Variants in SPG7 observed in about 807,000 individuals in gnomAD.
The protein encoded by SPG7 is SPG7 matrix AAA peptidase subunit, paraplegin, also known as mitochondrial inner membrane m-AAA protease component paraplegin.
In SPG7, 103 loss-of-function variants were observed where a neutral mutation model predicts 81.9. That is an observed-to-expected ratio of 1.26 (90% CI 1.07 to 1.48). The LOEUF (loss-of-function observed/expected upper bound fraction) is 1.48, where lower values mean the gene tolerates loss of function less well. Ranked by LOEUF, SPG7 falls within the 40% of genes most tolerant of loss-of-function variation. The probability of loss-of-function intolerance (pLI) is 0.00; values close to 1 mark genes in which losing one functional copy is unlikely to be tolerated. For missense variants in SPG7, 1,241 were observed against 1,087.3 expected (o/e 1.14, Z -1.99); for synonymous variants, 534 against 444.2 (o/e 1.20, Z -2.54).
chr16:89,526,887 C>T, intron 5 of SPG7: 1 of 261,094 alleles, frequency 3.8e-6, no homozygotes. Flanking sequence ...AGTCTCAGCC[C>T]CCGACGTAGG....
chr16:89,510,696 G>C, intron 2 of SPG7, 104 bp downstream of exon 2: 1 of 754,136 alleles, frequency 1.3e-6, no homozygotes, highest in East Asian at 2.6e-5. Flanking sequence ...ATCTCGCCCT[G>C]TTGCACGGGC....
intron 9 of SPG7, chr16:89,542,901 G>T: frequency 6.7e-6 from 1 of 150,176 alleles, no homozygotes; most frequent in African/African-American, 2.5e-5. Context: ...CATTAGTCAC[G>T]GTAGATCCTG....
chr16:89,543,225 G>T (rs184578485), intron 9 of SPG7: 1 of 151,780 alleles, frequency 6.6e-6, no homozygotes, highest in African/African-American at 2.4e-5. Context: ...GGGATTACAG[G>T]CGTGAGCCAC....
rs1248467221 is a variant in SPG7, at chr16:89,544,785, A to G, written c.1449+13A>G. 1 of 1,613,744 alleles carries G rather than the reference A, an allele frequency of 6.2e-7. No individual in the cohort carries two copies. Among genetic ancestry groups the G allele is most frequent in the Non-Finnish European group, 8.5e-7 (1 of 1,179,870 alleles). On this transcript the variant is annotated intron_variant, in intron 10 of 16. Transcript: ENST00000645818. ...CCCCACGCTGCAGGTCAGAGCCAGG[A>G]TCCCAGCCTCTCCCACTCCACCTGG...
Position 89,548,133 on chromosome 16 carries a change from G to A in SPG7, c.1663+20G>A, listed in dbSNP as rs1206117308. On this transcript the variant is annotated intron_variant, in intron 12 of 16. Coordinates refer to ENST00000645818, the MANE Select transcript of SPG7 (RefSeq NM_003119.4). Reference sequence around the variant, plus strand: ...TCGCAGGTACAGGGGGCGCGCCCTGGGTGAAGGCCCTCCTTAGCAGGGCTT... The same window carrying A: ...TCGCAGGTACAGGGGGCGCGCCCTGAGTGAAGGCCCTCCTTAGCAGGGCTT... 5 of 1,535,732 alleles carry A rather than the reference G, an allele frequency of 3.3e-6. No homozygotes were observed. The highest frequency in any genetic ancestry group is 4.5e-6 in the Non-Finnish European group (5 of 1,119,820).
chr16:89,537,323 A>C, intron 9 of SPG7: 1 of 1,210,306 alleles, frequency 8.3e-7, no homozygotes, highest in Non-Finnish European at 1.0e-6. Flanking sequence ...CACTGGAGGC[A>C]CCGCCGGCGA....
chr16:89,515,252 T>C (rs2058080862), intron 3 of SPG7, among the ~76,000 whole-genome samples: 1 of 148,496 alleles, frequency 6.7e-6, no homozygotes, highest in Admixed American at 6.7e-5. Context: ...CTTTTTTTTT[T>C]TTAACTTTTA....
At chr16:89,512,637 A>T (rs947574335) in intron 2 of SPG7, among the ~76,000 whole-genome samples, 2 of 152,250 alleles carry the variant, frequency 1.3e-5, no homozygotes, top group African/African-American at 4.8e-5. Context: ...AAGCAACTTC[A>T]TATATTAAAG....
chr16:89,531,133 T>C, intron 7 of SPG7: 2 of 445,808 alleles, frequency 4.5e-6, no homozygotes, highest in Non-Finnish European at 4.2e-6. Context: ...TGGCAGTGCA[T>C]GAGCTGCCTA....
chr16:89,534,412 T>G (rs1300749566), intron 9 of SPG7, among the ~76,000 whole-genome samples: 1 of 152,234 alleles, frequency 6.6e-6, no homozygotes, highest in Non-Finnish European at 1.5e-5. Context: ...GGTGGACATG[T>G]GGACTGTGGT....
At chr16:89,536,628 CGGGTGAGGCGGGCGAGGT>C (rs1174030709) in intron 9 of SPG7, 1 of 914,914 alleles carries the variant, frequency 1.1e-6, no homozygotes. Flanking sequence ...CGGGTGAGGG[CGGGTGAGGCGGGCGAGGT>C]GGGCGAGGCA....
chr16:89,557,445 T>C lies in SPG7; in HGVS notation c.*352T>C. ...CATTCAGACTCCAAACAGACCCCTG[T>C]TCATGCCGACGCTTGCACGACCGCC... On this transcript the variant is annotated 3_prime_UTR_variant, in exon 17 of 17. Coordinates refer to ENST00000645818, the MANE Select transcript of SPG7 (RefSeq NM_003119.4). 1 of 328,322 alleles carries C rather than the reference T, an allele frequency of 3.0e-6. No homozygotes were observed. Among genetic ancestry groups the C allele is most frequent in the Non-Finnish European group, 5.8e-6 (1 of 172,120 alleles). The allele number at this position is 328,322 out of a possible 1,614,324, so 20.3% of individuals were successfully genotyped here.
chr16:89,543,385 C>T (rs2058524271), intron 9 of SPG7: 2 of 138,014 alleles, frequency 1.4e-5, no homozygotes, highest in African/African-American at 2.7e-5. Flanking sequence ...CTCTGTCGCC[C>T]AGGCTGGAGT....
chr16:89,528,438 C>T (rs1246619464), intron 5 of SPG7, among the ~76,000 whole-genome samples: 1 of 150,622 alleles, frequency 6.6e-6, no homozygotes, highest in Non-Finnish European at 1.5e-5. Flanking sequence ...TGGGGCAGGC[C>T]CATTCTCATG....
intron 9 of SPG7, among the ~76,000 whole-genome samples, chr16:89,536,458 G>A (rs899905049): frequency 1.2e-5 from 1 of 80,498 alleles, no homozygotes; most frequent in Non-Finnish European, 3.2e-5. Context: ...TCTCGGTGAG[G>A]CGGGTGAGGC....
chr16:89,520,858 G>GT (rs2152398103), intron 3 of SPG7: 1 of 152,290 alleles, frequency 6.6e-6, no homozygotes, highest in South Asian at 2.1e-4. Flanking sequence ...ATTTCTTATG[G>GT]TTCGTTTCCT....
chr16:89,528,409 AAAG>A (rs1242734569), intron 5 of SPG7, among the ~76,000 whole-genome samples: 9 of 147,060 alleles, frequency 6.1e-5, no homozygotes, highest in East Asian at 2.1e-4. Context: ...AAAAAAAAAA[AAAG>A]AAGAAGATGG....
chr16:89,526,580 CT>C, intron 5 of SPG7, 112 bp downstream of exon 5: 2 of 1,124,886 alleles, frequency 1.8e-6, no homozygotes, highest in Non-Finnish European at 2.7e-6. Context: ...GTTAACTAGA[CT>C]TTTTAGTGGG....
At position 89,531,772 on chromosome 16, in the gene SPG7, GTTTGAGGCTGCAGTGAGC is replaced by G. The variant is rs539550819; in HGVS notation, c.988-130_988-113del. On this transcript the variant is annotated intron_variant, in intron 7 of 16. Coordinates refer to ENST00000645818, the MANE Select transcript of SPG7 (RefSeq NM_003119.4). ...GTGAGAGGGTGGCTTGAACCCAGGAGTTTGAGGCTGCAGTGAGCTATCATGGCACCCACTGCACTCCAG... is the reference window on the plus strand; with the variant it reads ...GTGAGAGGGTGGCTTGAACCCAGGAGTATCATGGCACCCACTGCACTCCAG... The G allele has an allele frequency of 8.6e-3, 7,549 of 880,108 alleles. 80 individuals carry two copies. The highest frequency in any genetic ancestry group is 0.032 in the South Asian group (2,248 of 71,318). 54.5% of individuals were successfully genotyped at this position (880,108 alleles called of 1,614,324 possible). A position where few individuals can be genotyped will look rare whatever the true frequency, so the allele number is the denominator to read the frequency against.
Sources: gnomAD v4.1 joint callset for allele counts (sites outside exome capture counted in the v4.1 genomes callset) on GRCh38, gnomAD v4.1.1 for gene constraint, MANE v1.5 for transcripts, NCBI Gene and HGNC (gene_info 2026-07-23, HGNC 2026-07-21) for gene names.